Variants in PDCD10 observed in about 807,000 individuals in gnomAD.
PDCD10 encodes programmed cell death protein 10.
PDCD10 carries 4 observed loss-of-function variants against 29.2 expected under a neutral mutation model. The observed-to-expected ratio is 0.14, with a 90% CI of 0.07 to 0.31. PDCD10 has a LOEUF of 0.31. PDCD10 is among the 10% of genes least tolerant of loss of function. The pLI, the probability that PDCD10 is intolerant of heterozygous loss-of-function variation, is 1.00. For synonymous variants in PDCD10, 70 were observed against 82.2 expected (o/e 0.85, Z 0.80); for missense variants, 183 against 257.9 (o/e 0.71, Z 1.99).
chr3:167,712,470 C>A (rs1722614608), intron 3 of PDCD10, among the ~76,000 whole-genome samples: 2 of 151,018 alleles, frequency 1.3e-5, no homozygotes, highest in South Asian at 2.1e-4. Context: ...AATGTATACA[C>A]CAAAAATAAA....
intron 8 of PDCD10, among the ~76,000 whole-genome samples, chr3:167,685,667 A>C (rs973702100): frequency 6.6e-6 from 1 of 152,224 alleles, no homozygotes; most frequent in East Asian, 1.9e-4. Context: ...TTAGTCTCTA[A>C]ATTAATGTCT....
chr3:167,699,964 C>G (rs1272875904), intron 4 of PDCD10, among the ~76,000 whole-genome samples: 2 of 151,876 alleles, frequency 1.3e-5, no homozygotes, highest in African/African-American at 4.8e-5. Context: ...ATATAGTTAT[C>G]CACTAGTCTA....
chr3:167,718,948 C>G (rs922532863), intron 3 of PDCD10, among the ~76,000 whole-genome samples: 1 of 151,950 alleles, frequency 6.6e-6, no homozygotes, highest in African/African-American at 2.4e-5. Flanking sequence ...GTTGTCAAAC[C>G]TAACATTACT....
At chr3:167,713,837 T>C (rs901669152) in intron 3 of PDCD10, among the ~76,000 whole-genome samples, 2 of 151,788 alleles carry the variant, frequency 1.3e-5, no homozygotes, top group Non-Finnish European at 2.9e-5. Context: ...ATACCACTTA[T>C]CAAGACTGAA....
intron 2 of PDCD10, among the ~76,000 whole-genome samples, chr3:167,727,571 A>G (rs973771983): frequency 6.6e-6 from 1 of 152,126 alleles, no homozygotes; most frequent in Admixed American, 6.5e-5. Flanking sequence ...TTTCCTTTTT[A>G]TTAGTATTAT....
chr3:167,734,438 G>A (rs1444544322), intron 1 of PDCD10, 88 bp from the exon 2 acceptor site: 4 of 152,758 alleles, frequency 2.6e-5, no homozygotes, highest in East Asian at 1.9e-4. Context: ...TTACAAAGCA[G>A]GGGGAAAACA....
intron 2 of PDCD10, among the ~76,000 whole-genome samples, chr3:167,721,312 C>G (rs1469896651): frequency 6.6e-6 from 1 of 151,954 alleles, no homozygotes; most frequent in Non-Finnish European, 1.5e-5. Flanking sequence ...CCCAAGATCA[C>G]ACAGGTAGAG....
intron 2 of PDCD10, among the ~76,000 whole-genome samples, chr3:167,724,379 T>C (rs1249218251): frequency 6.6e-6 from 1 of 152,180 alleles, no homozygotes; most frequent in Non-Finnish European, 1.5e-5. Flanking sequence ...CTATAATTTC[T>C]CTCTCTAAAA....
At chr3:167,693,452 G>T (rs1028324759) in intron 6 of PDCD10, among the ~76,000 whole-genome samples, 1 of 152,064 alleles carries the variant, frequency 6.6e-6, no homozygotes, top group Non-Finnish European at 1.5e-5. Context: ...TGTCACATAC[G>T]TCCCACCAAT....
chr3:167,723,010 T>A (rs553594168), intron 2 of PDCD10, among the ~76,000 whole-genome samples: 2 of 152,246 alleles, frequency 1.3e-5, no homozygotes, highest in South Asian at 4.1e-4. Flanking sequence ...ATGGCATACA[T>A]GCCATCTTTT....
At chr3:167,703,971 A>G (rs371592022) in intron 4 of PDCD10, among the ~76,000 whole-genome samples, 3 of 152,202 alleles carry the variant, frequency 2.0e-5, no homozygotes, top group South Asian at 2.1e-4. Context: ...AACTTGGAAC[A>G]TATCTTGATC....
At chr3:167,710,318 AG>A (rs1344050622) in intron 3 of PDCD10, among the ~76,000 whole-genome samples, 1 of 152,154 alleles carries the variant, frequency 6.6e-6, no homozygotes, top group African/African-American at 2.4e-5. Context: ...CCTGGCCCAG[AG>A]AGGAGCCCAT....
At chr3:167,700,033 TCA>T in intron 4 of PDCD10, among the ~76,000 whole-genome samples, 1 of 152,156 alleles carries the variant, frequency 6.6e-6, no homozygotes, top group Non-Finnish European at 1.5e-5. Flanking sequence ...TTATCAAAAC[TCA>T]CACGCAAACA....
intron 3 of PDCD10, among the ~76,000 whole-genome samples, chr3:167,714,933 C>A (rs1722865213): frequency 6.6e-6 from 1 of 151,676 alleles, no homozygotes; most frequent in Non-Finnish European, 1.5e-5. Flanking sequence ...ATAGAAAAAA[C>A]AATCCTAAGA....
intron 2 of PDCD10, among the ~76,000 whole-genome samples, chr3:167,723,289 GGAAACAGCAAGGGTTGGCT>G (rs1185743476): frequency 6.6e-6 from 1 of 152,206 alleles, no homozygotes; most frequent in Non-Finnish European, 1.5e-5. Context: ...AGCCTGCTAT[GGAAACAGCAAGGGTTGGCT>G]GAGCTGAGTG....
chr3:167,716,564 A>C (rs1300205515), intron 3 of PDCD10, among the ~76,000 whole-genome samples: 1 of 151,884 alleles, frequency 6.6e-6, no homozygotes. Context: ...AAATTTAAAA[A>C]AATTTAAAAA....
rs751478724 is a variant in PDCD10, at chr3:167,720,113, T to C, written c.45A>G (p.Thr15=). The change falls in exon 3 of 9, where the codon ACA becomes ACG. Residue 15 remains threonine (T), a synonymous_variant. Coordinates refer to ENST00000392750, the MANE Select transcript of PDCD10 (RefSeq NM_007217.4). Reference sequence around the variant, plus strand: ...CATAGAGGGGCATAGAAACCATGGATGTGGTCTCAGCTTCATTCTTCATCT... The same window carrying C: ...CATAGAGGGGCATAGAAACCATGGACGTGGTCTCAGCTTCATTCTTCATCT... ...MEEMKNEAET[T]SMVSMPLYAV... The C allele has an allele frequency of 1.9e-6, 3 of 1,612,554 alleles. No homozygotes were observed. Among genetic ancestry groups the C allele is most frequent in the Admixed American group, 1.7e-5 (1 of 59,936 alleles).
At chr3:167,687,337 A>G (rs757216634) in intron 7 of PDCD10, 21 bp from the exon 8 acceptor site, 2 of 1,326,464 alleles carry the variant, frequency 1.5e-6, no homozygotes, top group South Asian at 2.4e-5. Context: ...AAAATATAAT[A>G]AGAAATAAAG....
intron 2 of PDCD10, among the ~76,000 whole-genome samples, chr3:167,729,038 T>A (rs1724517530): frequency 6.6e-6 from 1 of 152,180 alleles, no homozygotes; most frequent in Admixed American, 6.5e-5. Context: ...CCATTCCCTA[T>A]GCAAAAGTCC....
Sources: gnomAD v4.1 joint callset for allele counts (sites outside exome capture counted in the v4.1 genomes callset) on GRCh38, gnomAD v4.1.1 for gene constraint, MANE v1.5 for transcripts, NCBI Gene and HGNC (gene_info 2026-07-23, HGNC 2026-07-21) for gene names.